STON2: variants seen among roughly 807,000 people sequenced by gnomAD.
The protein encoded by STON2 is stonin 2, also known as stonin-2.
STON2 carries 29 observed loss-of-function variants against 65.7 expected under a neutral mutation model. That is an observed-to-expected ratio of 0.44 (90% CI 0.33 to 0.60). The LOEUF is 0.60. Among genes scored for constraint, STON2 ranks in the 20% least tolerant of loss-of-function variants. STON2 has a pLI of 0.03. For synonymous variants in STON2, 404 were observed against 414.2 expected (o/e 0.98, Z 0.30); for missense variants, 1,054 against 1,118.1 (o/e 0.94, Z 0.82).
chr14:81,267,618 A>G lies in STON2; in HGVS notation c.*796T>C. ...AGATTGAATCTACCTCTTGAACTGAACATCATCTTATATTTAATGTCTCTT... is the reference window on the plus strand; with the variant it reads ...AGATTGAATCTACCTCTTGAACTGAGCATCATCTTATATTTAATGTCTCTT... On this transcript the variant is annotated 3_prime_UTR_variant, in exon 8 of 8. Transcript: ENST00000614646. 2.0e-6 allele frequency: 2 copies of G among 985,410 alleles called. No homozygotes were observed. Among genetic ancestry groups the G allele is most frequent in the Non-Finnish European group, 2.4e-6 (2 of 829,916 alleles). 61.0% of individuals were successfully genotyped at this position (985,410 alleles called of 1,614,324 possible). A position where few individuals can be genotyped will look rare whatever the true frequency, so the allele number is the denominator to read the frequency against.
In STON2 at chr14:81,267,255, T is replaced by C; in HGVS notation, c.*1159A>G. 2.0e-6 allele frequency: 2 copies of C among 985,404 alleles called. No individual in the cohort carries two copies. The highest frequency in any genetic ancestry group is 2.4e-6 in the Non-Finnish European group (2 of 829,914). The allele number at this position is 985,404 out of a possible 1,614,324, so 61.0% of individuals were successfully genotyped here. On this transcript the variant is annotated 3_prime_UTR_variant, in exon 8 of 8. Coordinates refer to ENST00000614646, the MANE Select transcript of STON2 (RefSeq NM_001394390.1). ...AAGATGGAGTGAGCGTTCTGACTCT[T>C]GGAATCAGAATATAATGTTCCCAAC...
At chr14:81,345,887 A>G (rs192162121) in intron 4 of STON2, among the ~76,000 whole-genome samples, 1 of 152,330 alleles carries the variant, frequency 6.6e-6, no homozygotes, top group Admixed American at 6.5e-5. Context: ...ATTTCACAGA[A>G]GAAAAGTCCA....
rs552486369 is a variant in STON2, at chr14:81,303,810, G to C, written c.742+20207C>G. Among the ~76,000 whole-genome samples the C allele has an allele frequency of 4.6e-5, 7 of 152,266 alleles. 1 individual carries two copies. The South Asian group carries it at 1.5e-3, about 32-fold the overall frequency. On this transcript the variant is annotated intron_variant, in intron 5 of 7. Transcript: ENST00000614646. The stretch of plus-strand genomic sequence containing the variant: ...ATGCCTATGGTCAAATATCAACCAG[G>C]TTTCGAAACCAATGCCCTTTTAACC...
At position 81,370,981 on chromosome 14, in the gene STON2, A is replaced by G. The variant is rs1272034536; in HGVS notation, c.571+7T>C. On this transcript the variant is annotated splice_region_variant and intron_variant, in intron 4 of 7. Transcript: ENST00000614646. The stretch of plus-strand genomic sequence containing the variant: ...GCAAAGCCCTCTGGCTTAGAGCTCC[A>G]TCTTACCAGTTGAGTCAGCCCCAGA... 1.2e-6 allele frequency: 2 copies of G among 1,611,948 alleles called. No homozygotes were observed. Among genetic ancestry groups the G allele is most frequent in the Admixed American group, 3.3e-5 (2 of 60,012 alleles).
chr14:81,266,966 G>A lies in STON2; in HGVS notation c.*1448C>T, dbSNP rs1002734751. 2 of 984,634 alleles carry A rather than the reference G, an allele frequency of 2.0e-6. No individual in the cohort carries two copies. The highest frequency in any genetic ancestry group is 3.5e-5 in the African/African-American group (2 of 57,198). 61.0% of individuals were successfully genotyped at this position (984,634 alleles called of 1,614,324 possible). On this transcript the variant is annotated 3_prime_UTR_variant, in exon 8 of 8. Coordinates refer to ENST00000614646, the MANE Select transcript of STON2 (RefSeq NM_001394390.1). ...CTTAGTTCAGATATTTCAAAATACTGTAACTATTTCTATATCCCAGTGTCA... is the reference window on the plus strand; with the variant it reads ...CTTAGTTCAGATATTTCAAAATACTATAACTATTTCTATATCCCAGTGTCA...
chr14:81,287,372 A>G (rs770905459), intron 5 of STON2, among the ~76,000 whole-genome samples: 2 of 152,176 alleles, frequency 1.3e-5, no homozygotes, highest in Non-Finnish European at 2.9e-5. Flanking sequence ...GATGCTGGTA[A>G]ATAAAGTACC....
chr14:81,393,994 C>T (rs1900199413), intron 3 of STON2, among the ~76,000 whole-genome samples: 1 of 152,150 alleles, frequency 6.6e-6, no homozygotes, highest in African/African-American at 2.4e-5. Flanking sequence ...AGTTCGAAAC[C>T]AGCCTGGCCA....
chr14:81,263,670 G>A lies in STON2; in HGVS notation c.*4744C>T. ...TCTTCTTCCTATGTGGCCCAGGGAA[G>A]CCAAAAGATTGGACCTCCCTGACTA... is the stretch of plus-strand genomic sequence containing the variant. On this transcript the variant is annotated 3_prime_UTR_variant, in exon 8 of 8. Transcript: ENST00000614646. 2 of 951,430 alleles carry A rather than the reference G, an allele frequency of 2.1e-6. No individual in the cohort carries two copies. The highest frequency in any genetic ancestry group is 2.5e-6 in the Non-Finnish European group (2 of 799,106). 58.9% of individuals were successfully genotyped at this position (951,430 alleles called of 1,614,324 possible).
chr14:81,372,277 G>A (rs942893822), intron 3 of STON2, among the ~76,000 whole-genome samples: 4 of 152,064 alleles, frequency 2.6e-5, no homozygotes, highest in Admixed American at 1.3e-4. Flanking sequence ...ATTACGGCCG[G>A]GCACGGTGGC....
intron 2 of STON2, among the ~76,000 whole-genome samples, chr14:81,406,521 G>A (rs566448574): frequency 2.0e-5 from 3 of 152,280 alleles, no homozygotes; most frequent in Non-Finnish European, 4.4e-5. Flanking sequence ...GACAGATACT[G>A]TATGGCTCAC....
At chr14:81,375,173 A>C (rs1028481820) in intron 3 of STON2, among the ~76,000 whole-genome samples, 1 of 152,128 alleles carries the variant, frequency 6.6e-6, no homozygotes, top group Non-Finnish European at 1.5e-5. Flanking sequence ...AAAACTATAA[A>C]TATCCTTAAA....
intron 4 of STON2, among the ~76,000 whole-genome samples, chr14:81,331,301 TAGG>T (rs758286155): frequency 6.6e-6 from 1 of 152,236 alleles, no homozygotes; most frequent in Non-Finnish European, 1.5e-5. Flanking sequence ...GAAATGTGGA[TAGG>T]AGAATTATGC....
At chr14:81,335,594 G>A (rs1191865499) in intron 4 of STON2, among the ~76,000 whole-genome samples, 2 of 152,188 alleles carry the variant, frequency 1.3e-5, no homozygotes, top group South Asian at 4.1e-4. Flanking sequence ...ACCTACAAGG[G>A]AGACAGAGGA....
chr14:81,401,402 T>C (rs754710645), upstream of STON2, among the ~76,000 whole-genome samples: 11 of 151,956 alleles, frequency 7.2e-5, no homozygotes, highest in African/African-American at 1.9e-4. Flanking sequence ...GTGGAACAAA[T>C]TGATCACATG....
Position 81,314,669 on chromosome 14 carries a change from C to T in STON2, c.742+9348G>A, listed in dbSNP as rs376816623. ...AGCTCTGATTATCACCACACCTGAG[C>T]CTTCCCTGCCACTTACAGAGATCAC... On this transcript the variant is annotated intron_variant, in intron 5 of 7. Transcript: ENST00000614646. 5.8e-4 allele frequency among the ~76,000 whole-genome samples: 89 copies of T among 152,288 alleles called. 1 individual carries two copies. In the South Asian group the frequency reaches 0.018, roughly 30 times the overall value.
Position 81,341,431 on chromosome 14 carries a change from C to T in STON2, c.572-17244G>A, listed in dbSNP as rs547727097. Among the ~76,000 whole-genome samples, 14 of 149,608 alleles carry T rather than the reference C, an allele frequency of 9.4e-5. 1 individual carries two copies. The South Asian group carries it at 3.0e-3, about 32-fold the overall frequency. On this transcript the variant is annotated intron_variant, in intron 4 of 7. Coordinates refer to ENST00000614646, the MANE Select transcript of STON2 (RefSeq NM_001394390.1). ...CAGCTATGCTTCTTGCTTTATATTT[C>T]CTCATTTTATAAGTGTTTTTTTTTT...
chr14:81,360,926 C>T (rs1330150675), intron 4 of STON2, among the ~76,000 whole-genome samples: 1 of 151,852 alleles, frequency 6.6e-6, no homozygotes, highest in Non-Finnish European at 1.5e-5. Flanking sequence ...ACAATACCTA[C>T]AAAAACAAAA....
chr14:81,363,443 A>G (rs1898585873), intron 4 of STON2, among the ~76,000 whole-genome samples: 1 of 152,136 alleles, frequency 6.6e-6, no homozygotes, highest in African/African-American at 2.4e-5. Context: ...GGAACTCAAT[A>G]TATGTGTTTC....
intron 1 of STON2, 130 bp from the exon 2 acceptor site, chr14:81,398,710 A>G (rs1900457154): frequency 4.6e-6 from 1 of 217,152 alleles, no homozygotes; most frequent in African/African-American, 2.3e-5. Flanking sequence ...GCCTTACTTC[A>G]CTCTGTTCCT....
Sources: gnomAD v4.1 joint callset for allele counts (sites outside exome capture counted in the v4.1 genomes callset) on GRCh38, gnomAD v4.1.1 for gene constraint, MANE v1.5 for transcripts, NCBI Gene and HGNC (gene_info 2026-07-23, HGNC 2026-07-21) for gene names.